The following ENOX1 variants were observed in gnomAD, a reference collection of about 807,000 sequenced individuals.
The protein encoded by ENOX1 is candidate growth-related and time keeping constitutive hydroquinone (NADH) oxidase.
ENOX1 carries 42 observed loss-of-function variants against 82.5 expected under a neutral mutation model. The observed-to-expected ratio is 0.51, with a 90% CI of 0.40 to 0.66. The LOEUF (loss-of-function observed/expected upper bound fraction) is 0.66, where lower values mean the gene tolerates loss of function less well. Ranked by LOEUF, ENOX1 falls within the 30% of genes least tolerant of loss-of-function variation. The probability of loss-of-function intolerance (pLI) is 0.00; values close to 1 mark genes in which losing one functional copy is unlikely to be tolerated. For synonymous variants in ENOX1, 271 were observed against 282.2 expected, an observed-to-expected ratio of 0.96 and a Z score of 0.40; for missense variants, 608 against 811.6, an observed-to-expected ratio of 0.75 and a Z score of 3.05.
intron 14 of ENOX1, among the ~76,000 whole-genome samples, chr13:43,250,364 C>G (rs1160653155): frequency 6.6e-6 from 1 of 152,188 alleles, no homozygotes; most frequent in Non-Finnish European, 1.5e-5. Context: ...TGTGCCCTCT[C>G]TTCATTGGGC....
intron 2 of ENOX1, among the ~76,000 whole-genome samples, chr13:43,516,391 G>A (rs1232212248): frequency 1.3e-5 from 2 of 152,114 alleles, no homozygotes; most frequent in Non-Finnish European, 2.9e-5. Context: ...TGCACAAAAG[G>A]GAGTGTACAC....
At chr13:43,497,645 G>A (rs2076839078) in intron 2 of ENOX1, among the ~76,000 whole-genome samples, 2 of 151,982 alleles carry the variant, frequency 1.3e-5, no homozygotes, top group South Asian at 2.1e-4. Context: ...TTTCCTAATT[G>A]TATGTTAAAC....
intron 15 of ENOX1, among the ~76,000 whole-genome samples, chr13:43,236,111 G>A (rs1269780704): frequency 1.3e-5 from 2 of 152,216 alleles, no homozygotes; most frequent in African/African-American, 4.8e-5. Flanking sequence ...CTGGACAAAA[G>A]GATCCATACT....
intron 1 of ENOX1, among the ~76,000 whole-genome samples, chr13:43,764,671 T>C (rs1012527232): frequency 6.6e-6 from 1 of 151,966 alleles, no homozygotes; most frequent in African/African-American, 2.4e-5. Context: ...CCACATACAG[T>C]GTACAAAATC....
intron 16 of ENOX1, among the ~76,000 whole-genome samples, chr13:43,214,356 C>T (rs1424036497): frequency 6.6e-6 from 1 of 152,114 alleles, no homozygotes; most frequent in Admixed American, 6.6e-5. Flanking sequence ...CCAAGTTCAC[C>T]CTTCATATGG....
At chr13:43,705,326 C>CTATATATATA (rs201089545) in intron 1 of ENOX1, among the ~76,000 whole-genome samples, 1 of 36,858 alleles carries the variant, frequency 2.7e-5, no homozygotes, top group Non-Finnish European at 8.1e-5. Context: ...CTCTCTCTCT[C>CTATATATATA]TCTCTATATA....
chr13:43,244,500 C>T (rs567244641), intron 14 of ENOX1, among the ~76,000 whole-genome samples: 22 of 152,176 alleles, frequency 1.4e-4, no homozygotes, highest in Admixed American at 7.9e-4. Flanking sequence ...ATTTTTCTGT[C>T]AGTGTTGTTG....
chr13:43,676,190 A>G (rs1162618911), intron 1 of ENOX1, among the ~76,000 whole-genome samples: 1 of 152,214 alleles, frequency 6.6e-6, no homozygotes, highest in African/African-American at 2.4e-5. Flanking sequence ...TTCTCAAAGA[A>G]CATCAAAAGC....
intron 3 of ENOX1, among the ~76,000 whole-genome samples, chr13:43,440,437 T>A (rs796075657): frequency 3.3e-4 from 51 of 152,348 alleles, no homozygotes; most frequent in African/African-American, 1.2e-3. Context: ...TTGCTGACAC[T>A]GCTTACTACA....
chr13:43,216,492 A>G (rs974712628), intron 16 of ENOX1, among the ~76,000 whole-genome samples: 2 of 152,222 alleles, frequency 1.3e-5, no homozygotes, highest in African/African-American at 4.8e-5. Context: ...GGTCAAAACT[A>G]GTTTTTCATA....
intron 3 of ENOX1, among the ~76,000 whole-genome samples, chr13:43,482,869 G>T (rs927565277): frequency 6.6e-6 from 1 of 152,032 alleles, no homozygotes; most frequent in African/African-American, 2.4e-5. Context: ...GAATTGACAG[G>T]CTAGAGAGCT....
intron 2 of ENOX1, among the ~76,000 whole-genome samples, chr13:43,551,694 G>A (rs1455492250): frequency 2.0e-5 from 3 of 151,996 alleles, no homozygotes; most frequent in South Asian, 2.1e-4. Flanking sequence ...AATTTCACCC[G>A]ATCATGATGG....
At chr13:43,380,235 C>T (rs894682073) in intron 5 of ENOX1, among the ~76,000 whole-genome samples, 6 of 151,312 alleles carry the variant, frequency 4.0e-5, no homozygotes, top group Non-Finnish European at 8.9e-5. Flanking sequence ...TAAAGAATAT[C>T]GGAAATGGCA....
chr13:43,557,712 C>A (rs1462970308), intron 2 of ENOX1, among the ~76,000 whole-genome samples: 1 of 152,096 alleles, frequency 6.6e-6, no homozygotes, highest in Non-Finnish European at 1.5e-5. Context: ...GCAGGAGGAT[C>A]ATTTGAGCCC....
At chr13:43,765,601 C>T (rs972458680) in intron 1 of ENOX1, among the ~76,000 whole-genome samples, 2 of 152,128 alleles carry the variant, frequency 1.3e-5, no homozygotes, top group African/African-American at 2.4e-5. Flanking sequence ...TTAAGTGCTC[C>T]TCCAGGGCAG....
chr13:43,523,110 C>A (rs900977086), intron 2 of ENOX1, among the ~76,000 whole-genome samples: 1 of 152,148 alleles, frequency 6.6e-6, no homozygotes, highest in Non-Finnish European at 1.5e-5. Context: ...GTCCCTCACT[C>A]CCATCCTCTG....
intron 2 of ENOX1, among the ~76,000 whole-genome samples, chr13:43,566,365 T>C (rs2079920102): frequency 1.3e-5 from 2 of 152,078 alleles, no homozygotes; most frequent in South Asian, 2.1e-4. Context: ...TATTTTGATA[T>C]TGCAGGTATA....
At chr13:43,712,846 T>A (rs299340) in intron 1 of ENOX1, among the ~76,000 whole-genome samples, 1 of 150,464 alleles carries the variant, frequency 6.6e-6, no homozygotes, top group African/African-American at 2.4e-5. Context: ...TAAACAATCA[T>A]GTCATCTGCA....
chr13:43,717,934 G>A (rs1400113060), intron 1 of ENOX1, among the ~76,000 whole-genome samples: 1 of 152,100 alleles, frequency 6.6e-6, no homozygotes, highest in Non-Finnish European at 1.5e-5. Flanking sequence ...CACAATGGTG[G>A]GAATACAAAC....
Sources: gnomAD v4.1 joint callset for allele counts (sites outside exome capture counted in the v4.1 genomes callset) on GRCh38, gnomAD v4.1.1 for gene constraint, MANE v1.5 for transcripts, NCBI Gene and HGNC (gene_info 2026-07-23, HGNC 2026-07-21) for gene names.